Variants in ARSB observed in about 807,000 individuals in gnomAD.
ARSB encodes arylsulfatase B.
ARSB carries 41 observed loss-of-function variants against 50.9 expected under a neutral mutation model. The observed-to-expected ratio is 0.81, with a 90% confidence interval of 0.63 to 1.04. The LOEUF is 1.04. Among genes scored for constraint, ARSB ranks in the 50% least tolerant of loss-of-function variants. The pLI is 0.00. For synonymous variants in ARSB, 269 were observed against 284.8 expected, an observed-to-expected ratio of 0.94 and a Z score of 0.56; for missense variants, 672 against 693.3, an observed-to-expected ratio of 0.97 and a Z score of 0.35.
At chr5:78,975,072 CT>C (rs1752609265) in intron 1 of ARSB, among the ~76,000 whole-genome samples, 1 of 152,254 alleles carries the variant, frequency 6.6e-6, no homozygotes, top group African/African-American at 2.4e-5. Context: ...GAGACATGCA[CT>C]TTCCCCAATC....
chr5:78,972,516 TACAC>T lies in ARSB; in HGVS notation c.313-3328_313-3325del, dbSNP rs59035274. On this transcript the variant is annotated intron_variant, in intron 1 of 7. Transcript: ENST00000264914. ...CTCTTAGCACATTTGCACGCATACG[TACAC>T]ACACACACACACACACACACACACC... Among the ~76,000 whole-genome samples, 363 of 145,684 alleles carry T rather than the reference TACAC, an allele frequency of 2.5e-3. 1 individual carries two copies. The highest frequency in any genetic ancestry group is 5.7e-3 in the African/African-American group (218 of 38,218).
chr5:78,777,809 A>T lies in ARSB; in HGVS notation c.*2588T>A, dbSNP rs1717532937. 7.0e-6 allele frequency: 1 copy of T among 142,444 alleles called. No homozygotes were observed. The highest frequency in any genetic ancestry group is 2.2e-4 in the South Asian group (1 of 4,492). 8.8% of individuals were successfully genotyped at this position (142,444 alleles called of 1,614,324 possible). ...AGAGGCTGCAGTGAGCCGAGATCACACCACTGCACTCCAGCCTGGGTGACA... is the reference window on the plus strand; with the variant it reads ...AGAGGCTGCAGTGAGCCGAGATCACTCCACTGCACTCCAGCCTGGGTGACA... On this transcript the variant is annotated 3_prime_UTR_variant, in exon 8 of 8. Transcript: ENST00000264914.
chr5:78,896,715 G>T (rs1161799980), intron 4 of ARSB, among the ~76,000 whole-genome samples: 1 of 152,124 alleles, frequency 6.6e-6, no homozygotes, highest in African/African-American at 2.4e-5. Context: ...CAACTATAAT[G>T]ATAGGAAAAG....
At chr5:78,955,049 C>T (rs758033428) in intron 4 of ARSB, among the ~76,000 whole-genome samples, 14 of 152,170 alleles carry the variant, frequency 9.2e-5, no homozygotes, top group Non-Finnish European at 1.8e-4. Context: ...CATACTTACT[C>T]AGTTAGTGAA....
intron 5 of ARSB, among the ~76,000 whole-genome samples, chr5:78,881,422 C>CA (rs200602589): frequency 1.8e-4 from 27 of 147,364 alleles, no homozygotes; most frequent in African/African-American, 3.8e-4. Context: ...AATAAAAAGA[C>CA]AAAAAAAAAG....
intron 1 of ARSB, 99 bp downstream of exon 1, chr5:78,984,838 C>T (rs1753081902): frequency 1.9e-6 from 2 of 1,029,102 alleles, no homozygotes; most frequent in Non-Finnish European, 2.4e-6. Context: ...GTCCGAGCCC[C>T]GCCTGCCAGC....
chr5:78,823,955 A>T (rs1225857848), intron 6 of ARSB, among the ~76,000 whole-genome samples: 1 of 152,060 alleles, frequency 6.6e-6, no homozygotes, highest in Non-Finnish European at 1.5e-5. Flanking sequence ...CCAATGTTGG[A>T]GGGGGGGCAC....
At chr5:78,963,299 T>C (rs556377167) in intron 3 of ARSB, among the ~76,000 whole-genome samples, 1 of 152,192 alleles carries the variant, frequency 6.6e-6, no homozygotes, top group African/African-American at 2.4e-5. Flanking sequence ...TCTTGTAGAG[T>C]CTGCAGCACC....
intron 6 of ARSB, among the ~76,000 whole-genome samples, chr5:78,832,410 C>A (rs73122630): frequency 0.065 from 9,958 of 152,130 alleles, 696 homozygotes; most frequent in African/African-American, 0.17. Flanking sequence ...TTTAGCCAGA[C>A]CTTTAGGTTT....
Position 78,780,707 on chromosome 5 carries a change from G to A in ARSB, c.1337-45C>T, listed in dbSNP as rs61218089. 6.7e-4 allele frequency: 1,084 copies of A among 1,610,028 alleles called. 10 individuals are homozygous for A. Among genetic ancestry groups the A allele is most frequent in the Middle Eastern group, 5.0e-3 (30 of 6,040 alleles). Reference sequence around the variant, plus strand: ...AGTTTACTGAGGGAGAAGCACAGAGGCAGGTTCTAATTTCAGGGAAGGAGT... The same window carrying A: ...AGTTTACTGAGGGAGAAGCACAGAGACAGGTTCTAATTTCAGGGAAGGAGT... On this transcript the variant is annotated intron_variant, in intron 7 of 7. Transcript: ENST00000264914.
At chr5:78,835,721 C>G (rs767743881) in intron 6 of ARSB, among the ~76,000 whole-genome samples, 33 of 152,122 alleles carry the variant, frequency 2.2e-4, no homozygotes, top group South Asian at 8.3e-4. Context: ...GCAGAGTAAG[C>G]AGCTTTGCTC....
chr5:78,848,879 C>T (rs139349049), intron 5 of ARSB, among the ~76,000 whole-genome samples: 5,132 of 151,446 alleles, frequency 0.034, 99 homozygotes, highest in African/African-American at 0.038. Context: ...TTTTGAGAAG[C>T]GTCTGTTCAT....
chr5:78,826,041 T>C lies in ARSB; in HGVS notation c.1213+13315A>G, dbSNP rs115157829. Among the ~76,000 whole-genome samples, 847 of 150,048 alleles carry C rather than the reference T, an allele frequency of 5.6e-3. 9 individuals carry two copies. The highest frequency in any genetic ancestry group is 0.02 in the African/African-American group (814 of 40,690). On this transcript the variant is annotated intron_variant, in intron 6 of 7. Coordinates refer to ENST00000264914, the MANE Select transcript of ARSB (RefSeq NM_000046.5). Reference sequence around the variant, plus strand: ...GTTAAAAAAGTTAACCCCATGTCTTTCCTTTTTCTTTCTTTTTTTTTTTTT... The same window carrying C: ...GTTAAAAAAGTTAACCCCATGTCTTCCCTTTTTCTTTCTTTTTTTTTTTTT...
intron 1 of ARSB, among the ~76,000 whole-genome samples, chr5:78,976,352 T>C: frequency 7.6e-6 from 1 of 130,990 alleles, no homozygotes; most frequent in African/African-American, 2.8e-5. Context: ...AGTGGCACCA[T>C]CCTGGCTCAC....
At chr5:78,841,176 A>AATAATAATAATAATAATG (rs1227408027) in intron 5 of ARSB, among the ~76,000 whole-genome samples, 92 of 149,992 alleles carry the variant, frequency 6.1e-4, no homozygotes, top group African/African-American at 2.3e-3. Context: ...TACTAATAAT[A>AATAATAATAATAATAATG]ATAATAATTT....
chr5:78,926,605 A>C (rs1006383987), intron 4 of ARSB, among the ~76,000 whole-genome samples: 1 of 152,188 alleles, frequency 6.6e-6, no homozygotes, highest in African/African-American at 2.4e-5. Flanking sequence ...CCTAAGCAAA[A>C]TGACTTTACT....
chr5:78,872,259 G>C (rs923198814), intron 5 of ARSB, among the ~76,000 whole-genome samples: 12 of 151,596 alleles, frequency 7.9e-5, no homozygotes, highest in Non-Finnish European at 1.0e-4. Context: ...TCAGTGTGGC[G>C]ATTCCTCAGG....
At chr5:78,857,658 A>G (rs757582628) in intron 5 of ARSB, among the ~76,000 whole-genome samples, 1 of 152,218 alleles carries the variant, frequency 6.6e-6, no homozygotes, top group Non-Finnish European at 1.5e-5. Context: ...CCCATGGGAC[A>G]GTTCAAGGAT....
intron 5 of ARSB, chr5:78,883,774 A>C (rs1440338449): frequency 2.0e-5 from 3 of 152,294 alleles, no homozygotes; most frequent in Non-Finnish European, 2.9e-5. Flanking sequence ...CTGGCTGAAC[A>C]CTTCTTCTAT....
Sources: gnomAD v4.1 joint callset for allele counts (sites outside exome capture counted in the v4.1 genomes callset) on GRCh38, gnomAD v4.1.1 for gene constraint, MANE v1.5 for transcripts, NCBI Gene and HGNC (gene_info 2026-07-23, HGNC 2026-07-21) for gene names.